The following EVC variants were observed in gnomAD, a reference collection of about 807,000 sequenced individuals.
EVC encodes EvC ciliary complex subunit 1.
In EVC, 116 loss-of-function variants were observed where a neutral mutation model predicts 118.9. The observed-to-expected ratio is 0.98, with a 90% confidence interval of 0.84 to 1.14. The LOEUF (loss-of-function observed/expected upper bound fraction) is 1.14, where lower values mean the gene tolerates loss of function less well. Ranked by LOEUF, EVC falls within the 50% of genes most tolerant of loss-of-function variation. The pLI is 0.00. For synonymous variants in EVC, 619 were observed against 534.7 expected, an observed-to-expected ratio of 1.16 and a Z score of -2.18; for missense variants, 1,401 against 1,246.4, an observed-to-expected ratio of 1.12 and a Z score of -1.87.
rs1264020517 is a variant in EVC, at chr4:5,741,812, A to G, written c.799A>G (p.Lys267Glu). Reference protein sequence around the residue: ...LYQKILSKQEKDLEELEKGLQ... With the variant: ...LYQKILSKQEEDLEELEKGLQ... ...CCAGAAGATCCTTTCAAAACAAGAAAAAGTAAGTCTTCAACCTATGTTTCA... is the reference window on the plus strand; with the variant it reads ...CCAGAAGATCCTTTCAAAACAAGAAGAAGTAAGTCTTCAACCTATGTTTCA... The change falls in exon 6 of 21, where the codon AAA becomes GAA. Residue 267 changes from lysine (K) to glutamate (E), a missense_variant and splice_region_variant. Physicochemically the swap from Lys to Glu is moderately conservative, Grantham distance 56 (BLOSUM62 1). Transcript: ENST00000264956. The G allele has an allele frequency of 4.9e-6, 7 of 1,431,318 alleles. No individual in the cohort carries two copies. Among genetic ancestry groups the G allele is most frequent in the Non-Finnish European group, 5.9e-6 (6 of 1,015,696 alleles). 88.7% of individuals were successfully genotyped at this position (1,431,318 alleles called of 1,614,324 possible).
At chr4:5,818,372 C>G (rs759630919), downstream of EVC, among the ~76,000 whole-genome samples, 1 of 152,180 alleles carries the variant, frequency 6.6e-6, no homozygotes, top group Non-Finnish European at 1.5e-5. Flanking sequence ...ACCACCCCTT[C>G]CTGGGACATC....
At chr4:5,736,794 C>G (rs1727763270) in intron 5 of EVC, among the ~76,000 whole-genome samples, 1 of 152,212 alleles carries the variant, frequency 6.6e-6, no homozygotes, top group Admixed American at 6.5e-5. Context: ...GCTCCACCAA[C>G]TGGCCATTCC....
At chr4:5,825,383 G>A in the EVC span, 2 of 1,463,408 alleles carry the variant, frequency 1.4e-6, no homozygotes, top group Admixed American at 5.6e-5. This position sits in a 1 kb window ranked among gnomAD's most constrained non-coding sequence, Gnocchi z 4.4. Flanking sequence ...TCCCTTCCCT[G>A]CTTCTTCATC....
At chr4:5,774,608 C>T (rs986471096) in intron 11 of EVC, among the ~76,000 whole-genome samples, 39 of 151,972 alleles carry the variant, frequency 2.6e-4, no homozygotes, top group African/African-American at 9.2e-4. Flanking sequence ...CTGGGGAGGG[C>T]AGGTGGTGGT....
At position 5,753,991 on chromosome 4, in the gene EVC, G is replaced by A. The variant is rs75743916; in HGVS notation, c.1464+58G>A. 4,273 of 1,607,560 alleles carry A rather than the reference G, an allele frequency of 2.7e-3. 93 individuals are homozygous for A. In the African/African-American group the frequency reaches 0.049, roughly 18 times the overall value. On this transcript the variant is annotated intron_variant, in intron 10 of 20. Coordinates refer to ENST00000264956, the MANE Select transcript of EVC (RefSeq NM_153717.3). ...GTGAGCCAGTTGTAGCTCTGTTCCC[G>A]TGACTGAGCACGGGACGCCGGAGGT...
chr4:5,810,553 A>G (rs1716745087), intron 20 of EVC, 103 bp downstream of exon 20: 8 of 850,780 alleles, frequency 9.4e-6, no homozygotes, highest in Non-Finnish European at 1.4e-5. Flanking sequence ...GTCCCCTCAG[A>G]GGCATTAAAT....
Position 5,811,648 on chromosome 4 carries a change from T to G in EVC, c.*611T>G. ...CCTCTCACCACACCCAGAAGAGGCC[T>G]TTCCCATCTGGAGAGAAGCTTCCAG... On this transcript the variant is annotated 3_prime_UTR_variant, in exon 21 of 21. Transcript: ENST00000264956. The G allele has an allele frequency of 6.1e-6, 1 of 163,326 alleles. No individual in the cohort carries two copies. Among genetic ancestry groups the G allele is most frequent in the Non-Finnish European group, 1.3e-5 (1 of 75,672 alleles). The allele number at this position is 163,326 out of a possible 1,614,324, so 10.1% of individuals were successfully genotyped here. A position where few individuals can be genotyped will look rare whatever the true frequency, so the allele number is the denominator to read the frequency against.
rs1560308491 is a variant in EVC at position 5,738,278 on chromosome 4, C to G, written c.703-3438C>G. ...TGAAAGTGGTTTCTAGAGAAGGAAT[C>G]TGCTTCTGGTGAAGATGCTGTGAAC... On this transcript the variant is annotated intron_variant, in intron 5 of 20. Coordinates refer to ENST00000264956, the MANE Select transcript of EVC (RefSeq NM_153717.3). This position sits in a 1 kb window ranked among gnomAD's most constrained non-coding sequence, Gnocchi z 6.5. Among the ~76,000 whole-genome samples the G allele has an allele frequency of 6.6e-6, 1 of 152,192 alleles. No individual in the cohort carries two copies. Among genetic ancestry groups the G allele is most frequent in the Non-Finnish European group, 1.5e-5 (1 of 68,036 alleles).
the EVC span, among the ~76,000 whole-genome samples, chr4:5,822,437 G>A: frequency 2.0e-5 from 3 of 151,214 alleles, no homozygotes; most frequent in African/African-American, 7.3e-5. Flanking sequence ...GTGTGCATGT[G>A]CATGTGAACT....
intron 2 of EVC, 44 bp from the exon 3 acceptor site, chr4:5,729,263 T>G: frequency 6.3e-7 from 1 of 1,594,444 alleles, no homozygotes; most frequent in Non-Finnish European, 8.6e-7. Flanking sequence ...TTATCCTTCA[T>G]TTTACAGAAA....
At chr4:5,817,874 G>A (rs1717944910), downstream of EVC, among the ~76,000 whole-genome samples, 1 of 152,180 alleles carries the variant, frequency 6.6e-6, no homozygotes, top group Admixed American at 6.5e-5. Flanking sequence ...GGTGACATCT[G>A]AAAATGGTTT....
At chr4:5,730,128 TCTC>T (rs1192948184) in intron 3 of EVC, among the ~76,000 whole-genome samples, 1 of 152,164 alleles carries the variant, frequency 6.6e-6, no homozygotes, top group Non-Finnish European at 1.5e-5. Flanking sequence ...TTTCCTGACT[TCTC>T]CTGCCTCAGT....
chr4:5,807,090 CAA>C (rs1429809314), intron 17 of EVC, among the ~76,000 whole-genome samples: 8 of 152,156 alleles, frequency 5.3e-5, no homozygotes, highest in Non-Finnish European at 1.2e-4. Flanking sequence ...TCAGCTGTGC[CAA>C]ATGAGTGATT....
intron 8 of EVC, among the ~76,000 whole-genome samples, chr4:5,752,074 A>G (rs1034385322): frequency 6.6e-6 from 1 of 151,996 alleles, no homozygotes. Flanking sequence ...GCTGGGGAGC[A>G]GGACTGGCCT....
the EVC span, chr4:5,821,765 C>A: frequency 1.2e-6 from 2 of 1,609,186 alleles, no homozygotes; most frequent in Non-Finnish European, 8.5e-7. This position sits in a 1 kb window ranked among gnomAD's most constrained non-coding sequence, Gnocchi z 4.4. Flanking sequence ...CACGTTCAAC[C>A]GAGGCTGGTG....
Position 5,811,719 on chromosome 4 carries a change from G to T in EVC, c.*682G>T. ...AGCCAGGAGGGGCCTTTCCCACCTG[G>T]AGAGAAACTTCCAGACCAGCCCCTC... On this transcript the variant is annotated 3_prime_UTR_variant, in exon 21 of 21. Coordinates refer to ENST00000264956, the MANE Select transcript of EVC (RefSeq NM_153717.3). 1 of 154,262 alleles carries T rather than the reference G, an allele frequency of 6.5e-6. No individual in the cohort carries two copies. Among genetic ancestry groups the T allele is most frequent in the Non-Finnish European group, 1.4e-5 (1 of 70,338 alleles). The allele number at this position is 154,262 out of a possible 1,614,324, so 9.6% of individuals were successfully genotyped here.
chr4:5,731,571 C>T lies in EVC; in HGVS notation c.531C>T (p.Ser177=), dbSNP rs542910336. 34 of 1,614,144 alleles carry T rather than the reference C, an allele frequency of 2.1e-5. No individual in the cohort carries two copies. The highest frequency in any genetic ancestry group is 2.7e-5 in the African/African-American group (2 of 75,038). Residue 177 remains serine (S), a synonymous_variant, in exon 4 of 21, where the codon AGC becomes AGT. Coordinates refer to ENST00000264956, the MANE Select transcript of EVC (RefSeq NM_153717.3). This position sits in a 1 kb window ranked among gnomAD's most constrained non-coding sequence, Gnocchi z 5.6. ...GEKDDCSSSS[S]VHSATSDDRF... ...AGGACGACTGCAGCTCCTCATCCAG[C>T]GTCCACTCGGCCACCAGCGATGACA... is the stretch of plus-strand genomic sequence containing the variant.
chr4:5,781,397 G>A (rs1054412660), intron 11 of EVC, among the ~76,000 whole-genome samples: 1 of 152,192 alleles, frequency 6.6e-6, no homozygotes, highest in Admixed American at 6.5e-5. Context: ...TAACCAAACA[G>A]CTGGTGGGAG....
chr4:5,784,868 G>T (rs62297677), intron 12 of EVC, among the ~76,000 whole-genome samples: 3,137 of 151,998 alleles, frequency 0.021, 58 homozygotes, highest in Non-Finnish European at 0.032. Flanking sequence ...TTAGCCTCCC[G>T]AAGTGCTGGG....
Sources: gnomAD v4.1 joint callset for allele counts (sites outside exome capture counted in the v4.1 genomes callset) on GRCh38, gnomAD v4.1.1 for gene constraint, Gnocchi (gnomAD v3.1) non-coding constraint, MANE v1.5 for transcripts, NCBI Gene and HGNC (gene_info 2026-07-23, HGNC 2026-07-21) for gene names.